RAPGEF5: variants seen among roughly 807,000 people sequenced by gnomAD.
RAPGEF5 encodes the protein M-Ras-regulated GEF.
Under a neutral mutation model 125.2 loss-of-function variants are expected in RAPGEF5, and 65 were observed. The observed-to-expected ratio is 0.52, with a 90% CI of 0.43 to 0.64. The LOEUF (loss-of-function observed/expected upper bound fraction) is 0.64, where lower values mean the gene tolerates loss of function less well. Among genes scored for constraint, RAPGEF5 ranks in the 30% least tolerant of loss-of-function variants. The pLI is 0.00. For synonymous variants in RAPGEF5, 391 were observed against 385.9 expected, an observed-to-expected ratio of 1.01 and a Z score of -0.16; for missense variants, 958 against 1,048.1, an observed-to-expected ratio of 0.91 and a Z score of 1.19.
intron 5 of RAPGEF5, among the ~76,000 whole-genome samples, chr7:22,303,838 G>C (rs184979634): frequency 6.6e-6 from 1 of 152,344 alleles, no homozygotes; most frequent in East Asian, 1.9e-4. Context: ...GAGACATCAT[G>C]GAAGTTTTGT....
intron 7 of RAPGEF5, among the ~76,000 whole-genome samples, chr7:22,239,671 T>C (rs1583507746): frequency 6.6e-6 from 1 of 152,188 alleles, no homozygotes; most frequent in East Asian, 1.9e-4. Flanking sequence ...GCTTCTCTTC[T>C]ACTTCTTAAT....
chr7:22,178,712 G>A (rs554081699), intron 11 of RAPGEF5, among the ~76,000 whole-genome samples: 9 of 152,262 alleles, frequency 5.9e-5, no homozygotes, highest in South Asian at 2.1e-4. Context: ...TGTGTTCACC[G>A]ACCTGGAAGC....
At position 22,206,239 on chromosome 7, in the gene RAPGEF5, A is replaced by G. The variant is rs148065350; in HGVS notation, c.997-12206T>C. Among the ~76,000 whole-genome samples, 653 of 152,356 alleles carry G rather than the reference A, an allele frequency of 4.3e-3. 6 individuals carry two copies. The highest frequency in any genetic ancestry group is 0.015 in the African/African-American group (632 of 41,588). On this transcript the variant is annotated intron_variant, in intron 9 of 25. Transcript: ENST00000665637. Reference sequence around the variant, plus strand: ...GTGATTTACTAAATCAGCACTCAACATATTAACTTGGGAGGTAGTTTGTTC... The same window carrying G: ...GTGATTTACTAAATCAGCACTCAACGTATTAACTTGGGAGGTAGTTTGTTC...
At chr7:22,243,958 G>A (rs1786405281) in intron 7 of RAPGEF5, among the ~76,000 whole-genome samples, 1 of 152,086 alleles carries the variant, frequency 6.6e-6, no homozygotes, top group South Asian at 2.1e-4. Context: ...CAAGCCTGTG[G>A]TTACTACCTT....
intron 7 of RAPGEF5, among the ~76,000 whole-genome samples, chr7:22,236,206 C>G (rs920803538): frequency 6.6e-6 from 1 of 152,184 alleles, no homozygotes; most frequent in African/African-American, 2.4e-5. Flanking sequence ...TCCCCAGGCT[C>G]TCTTTTCTCT....
chr7:22,348,736 G>A (rs1784271611), intron 1 of RAPGEF5, among the ~76,000 whole-genome samples: 1 of 152,324 alleles, frequency 6.6e-6, no homozygotes, highest in Admixed American at 6.5e-5. Context: ...GCCAGGAAGG[G>A]TAGTGGAGAG....
rs919065517 is a variant in RAPGEF5 at position 22,209,521 on chromosome 7, C to G, written c.996+10345G>C. The stretch of plus-strand genomic sequence containing the variant: ...CTGTAGCTTCAACTATCCTTCCCCC[C>G]CACCATTTTTAGAGTTATACCTGAG... On this transcript the variant is annotated intron_variant, in intron 9 of 25. Coordinates refer to ENST00000665637, the MANE Select transcript of RAPGEF5 (RefSeq NM_012294.5). 1.1e-4 allele frequency among the ~76,000 whole-genome samples: 17 copies of G among 152,292 alleles called. 1 individual carries two copies. The East Asian group carries it at 2.9e-3, about 26-fold the overall frequency.
intron 10 of RAPGEF5, 96 bp from the exon 11 acceptor site, chr7:22,193,551 G>A (rs1785064418): frequency 2.6e-6 from 4 of 1,551,806 alleles, no homozygotes; most frequent in African/African-American, 2.7e-5. Context: ...CGATGTATTT[G>A]AAATAAGGCA....
chr7:22,265,244 T>TAACC (rs34938745), intron 7 of RAPGEF5, among the ~76,000 whole-genome samples: 7,448 of 152,182 alleles, frequency 0.049, 383 homozygotes, highest in East Asian at 0.23. Context: ...TTGTACCCAT[T>TAACC]AACCAACTCT....
intron 21 of RAPGEF5, among the ~76,000 whole-genome samples, chr7:22,138,505 C>A (rs1405583164): frequency 6.6e-6 from 1 of 152,104 alleles, no homozygotes; most frequent in African/African-American, 2.4e-5. Flanking sequence ...AGTCACCAGA[C>A]CTGGAGATCC....
intron 11 of RAPGEF5, among the ~76,000 whole-genome samples, chr7:22,189,158 CT>C (rs796311930): frequency 2.9e-4 from 43 of 145,918 alleles, no homozygotes; most frequent in African/African-American, 5.5e-4. Context: ...TCTCTGTTGG[CT>C]TTTTTTTTTC....
At chr7:22,305,019 AAGGGGTCCT>A (rs1783303195) in intron 5 of RAPGEF5, among the ~76,000 whole-genome samples, 2 of 152,200 alleles carry the variant, frequency 1.3e-5, no homozygotes, top group African/African-American at 4.8e-5. Flanking sequence ...ATTTTATAGG[AAGGGGTCCT>A]AGAATGATCC....
intron 9 of RAPGEF5, chr7:22,203,063 A>T (rs1785315993): frequency 5.8e-6 from 1 of 172,552 alleles, no homozygotes. Flanking sequence ...TCCAAATTTT[A>T]AAAACACACA....
chr7:22,193,326 G>A, intron 11 of RAPGEF5, 41 bp downstream of exon 11: 1 of 1,545,438 alleles, frequency 6.5e-7, no homozygotes, highest in Non-Finnish European at 8.8e-7. Context: ...AAGGGCATCA[G>A]CTGCTATCAG....
intron 20 of RAPGEF5, among the ~76,000 whole-genome samples, chr7:22,142,837 G>GA (rs1165948023): frequency 1.3e-5 from 2 of 152,348 alleles, no homozygotes; most frequent in Admixed American, 6.5e-5. Flanking sequence ...CCTCAGGCAG[G>GA]AAAAACGCTT....
intron 12 of RAPGEF5, among the ~76,000 whole-genome samples, chr7:22,166,467 T>A (rs375102071): frequency 2.0e-5 from 3 of 152,218 alleles, no homozygotes; most frequent in African/African-American, 7.2e-5. Context: ...CTATGTTGCA[T>A]CTCTTCTAGT....
intron 11 of RAPGEF5, among the ~76,000 whole-genome samples, chr7:22,168,211 T>C (rs10278313): frequency 0.014 from 2,084 of 152,188 alleles, 52 homozygotes; most frequent in African/African-American, 0.048. Flanking sequence ...ATTTGAGAGG[T>C]AATTAGGATT....
At chr7:22,264,479 A>C (rs1209583019) in intron 7 of RAPGEF5, among the ~76,000 whole-genome samples, 3 of 152,220 alleles carry the variant, frequency 2.0e-5, no homozygotes, top group African/African-American at 7.2e-5. Flanking sequence ...GACATTATGC[A>C]ATCTAACATG....
chr7:22,161,946 G>A (rs1288091748), intron 13 of RAPGEF5, among the ~76,000 whole-genome samples: 2 of 152,234 alleles, frequency 1.3e-5, no homozygotes, highest in South Asian at 4.1e-4. Flanking sequence ...AAATCAGTTT[G>A]TCTCACTCTA....
Sources: allele counts gnomAD v4.1 joint callset (sites outside exome capture counted in the v4.1 genomes callset), GRCh38; gene constraint gnomAD v4.1.1; transcripts MANE v1.5; gene names NCBI Gene and HGNC (gene_info 2026-07-23, HGNC 2026-07-21).